MYOM1: variants seen among roughly 807,000 people sequenced by gnomAD.
MYOM1 encodes the protein myomesin 1.
Under a neutral mutation model 205.3 loss-of-function variants are expected in MYOM1, and 164 were observed. The ratio of observed to expected loss-of-function variants is 0.80; its 90% confidence interval spans 0.70 to 0.91. The LOEUF is 0.91. MYOM1 is among the 40% of genes least tolerant of loss of function. MYOM1 has a pLI of 0.00. For missense variants in MYOM1, 2,011 were observed against 2,127.3 expected (o/e 0.95, Z 1.08); for synonymous variants, 772 against 789.4 (o/e 0.98, Z 0.37).
intron 25 of MYOM1, among the ~76,000 whole-genome samples, chr18:3,097,734 A>G (rs2079324319): frequency 6.6e-6 from 1 of 152,168 alleles, no homozygotes; most frequent in Non-Finnish European, 1.5e-5. Context: ...TCACATTCTC[A>G]GGGTCTCTCT....
At chr18:3,230,628 C>T in the MYOM1 span, among the ~76,000 whole-genome samples, 373 of 152,230 alleles carry the variant, frequency 2.5e-3, 5 homozygotes, top group East Asian at 0.015. Context: ...TCTGATTGGC[C>T]CTCTCCTGCA....
At chr18:3,143,554 C>A (rs1054351257) in intron 13 of MYOM1, among the ~76,000 whole-genome samples, 1 of 151,994 alleles carries the variant, frequency 6.6e-6, no homozygotes, top group African/African-American at 2.4e-5. Context: ...CATAAATATG[C>A]AAATAAAATG....
chr18:3,237,598 CAAAA>C, the MYOM1 span, among the ~76,000 whole-genome samples: 37 of 53,622 alleles, frequency 6.9e-4, no homozygotes, highest in Admixed American at 2.6e-3. Context: ...GACTCCGTCT[CAAAA>C]AAAAAAAAAA....
chr18:3,135,506 G>T lies in MYOM1; in HGVS notation c.2209+41C>A. 6.3e-7 allele frequency: 1 copy of T among 1,581,216 alleles called. No homozygotes were observed. Among genetic ancestry groups the T allele is most frequent in the South Asian group, 1.1e-5 (1 of 87,120 alleles). ...TATACATATACTAGATCCTTGCTTT[G>T]AAATTTTCTCTTGAAGTAAAAGAAG... is the stretch of plus-strand genomic sequence containing the variant. On this transcript the variant is annotated intron_variant, in intron 15 of 37. Coordinates refer to ENST00000356443, the MANE Select transcript of MYOM1 (RefSeq NM_003803.4). This position sits in a 1 kb window ranked among gnomAD's most constrained non-coding sequence, Gnocchi z 4.1.
rs1320881277 is a variant in MYOM1, at chr18:3,163,798, AAG to A, written c.1501+478_1501+479del. ...CATATTCTTATTCAATGTAATCTGC[AAG>A]AATTTCCTTTTTCTTTTCTTTCTTT... On this transcript the variant is annotated intron_variant, in intron 10 of 37. Coordinates refer to ENST00000356443, the MANE Select transcript of MYOM1 (RefSeq NM_003803.4). Among the ~76,000 whole-genome samples, 8 of 151,668 alleles carry A rather than the reference AAG, an allele frequency of 5.3e-5. No homozygotes were observed. In the East Asian group the frequency reaches 1.4e-3, roughly 26 times the overall value.
chr18:3,184,821 G>T (rs1598750499), intron 5 of MYOM1, among the ~76,000 whole-genome samples: 1 of 152,210 alleles, frequency 6.6e-6, no homozygotes, highest in Non-Finnish European at 1.5e-5. Context: ...ACTAACGGAG[G>T]TGCAGGGACC....
At chr18:3,163,424 G>C (rs2080422919) in intron 10 of MYOM1, among the ~76,000 whole-genome samples, 1 of 152,000 alleles carries the variant, frequency 6.6e-6, no homozygotes, top group African/African-American at 2.4e-5. Flanking sequence ...GGTGCCCTCA[G>C]GGCTCACCTT....
rs2081244883 is a variant in MYOM1 at position 3,215,038 on chromosome 18, A to G, written c.186T>C (p.Arg62=). 6.2e-7 allele frequency: 1 copy of G among 1,612,682 alleles called. No individual in the cohort carries two copies. The highest frequency in any genetic ancestry group is 1.1e-5 in the South Asian group (1 of 91,004). The part of the protein sequence containing the change: ...AAHRRESEAF[R]RASASSSQQQ... ...GCTGGGAGGAGGAGGCGGACGCCCG[A>G]CGGAAGGCCTCGGACTCCCGGCGGT... The change falls in exon 2 of 38, where the codon CGT becomes CGC. Residue 62 remains arginine (R), a synonymous_variant. Transcript: ENST00000356443.
intron 9 of MYOM1, 98 bp downstream of exon 9, chr18:3,168,719 C>A: frequency 2.3e-6 from 3 of 1,299,584 alleles, no homozygotes; most frequent in South Asian, 2.8e-5. Flanking sequence ...GTAGTCCCTT[C>A]TAACTTCCAG....
At chr18:3,108,479 GGAT>G (rs1302109696) in intron 22 of MYOM1, among the ~76,000 whole-genome samples, 1 of 152,062 alleles carries the variant, frequency 6.6e-6, no homozygotes, top group Non-Finnish European at 1.5e-5. Flanking sequence ...ATACTCAAAT[GGAT>G]GATTCTTTCT....
intron 5 of MYOM1, among the ~76,000 whole-genome samples, chr18:3,187,085 C>T (rs2080828234): frequency 6.6e-6 from 1 of 152,186 alleles, no homozygotes; most frequent in African/African-American, 2.4e-5. Flanking sequence ...TAAAAGGCAG[C>T]ATTGCTTCTG....
chr18:3,142,086 G>A, intron 13 of MYOM1, 23 bp from the exon 14 acceptor site: 1 of 1,611,726 alleles, frequency 6.2e-7, no homozygotes, highest in Non-Finnish European at 8.5e-7. Flanking sequence ...AAGGAAAAAT[G>A]AGAAGCACAC....
Position 3,126,827 on chromosome 18 carries a change from C to T in MYOM1, c.2865G>A (p.Lys955=). Reference sequence around the variant, plus strand: ...CTGCCCCTCCAATCTTATCTGGTTGCTTCCATCCAAGAACCATTGAGTCAC... The same window carrying T: ...CTGCCCCTCCAATCTTATCTGGTTGTTTCCATCCAAGAACCATTGAGTCAC... ...SFRDSMVLGW[K]QPDKIGGAEI... is the part of the protein sequence containing the mutation. Residue 955 remains lysine (K), a synonymous_variant, in exon 19 of 38, where the codon AAG becomes AAA. Transcript: ENST00000356443. 6.2e-7 allele frequency: 1 copy of T among 1,613,602 alleles called. No individual in the cohort carries two copies. The highest frequency in any genetic ancestry group is 8.5e-7 in the Non-Finnish European group (1 of 1,179,746).
chr18:3,152,723 T>C lies in MYOM1; in HGVS notation c.1644-830A>G, dbSNP rs1482222090. On this transcript the variant is annotated intron_variant, in intron 11 of 37. Coordinates refer to ENST00000356443, the MANE Select transcript of MYOM1 (RefSeq NM_003803.4). The surrounding 1 kb of genome is among the most constrained non-coding windows in gnomAD (Gnocchi z 4.3). ...AGCAGAGTGCTGTACTTTTAGCTCATATCATTTCCCCAACATGGGCTCTAT... is the reference window on the plus strand; with the variant it reads ...AGCAGAGTGCTGTACTTTTAGCTCACATCATTTCCCCAACATGGGCTCTAT... 2.6e-5 allele frequency among the ~76,000 whole-genome samples: 4 copies of C among 152,170 alleles called. No individual in the cohort carries two copies. The highest frequency in any genetic ancestry group is 9.7e-5 in the African/African-American group (4 of 41,438).
intron 10 of MYOM1, among the ~76,000 whole-genome samples, chr18:3,161,822 A>G (rs559567189): frequency 6.6e-6 from 1 of 152,282 alleles, no homozygotes; most frequent in South Asian, 2.1e-4. Flanking sequence ...TTTGAACCTC[A>G]GTTTCTGCAT....
At position 3,134,954 on chromosome 18, in the gene MYOM1, G is replaced by GGT. The variant is rs2079934411; in HGVS notation, c.2210-131_2210-130insAC. On this transcript the variant is annotated intron_variant, in intron 15 of 37. Coordinates refer to ENST00000356443, the MANE Select transcript of MYOM1 (RefSeq NM_003803.4). ...CAAAAGAACAGCTGCTTTATTTTAC[G>GGT]ATTTTTTTTTTTGAGACTGAGTCTC... is the stretch of plus-strand genomic sequence containing the variant. The GGT allele has an allele frequency of 1.7e-5, 13 of 771,996 alleles. No homozygotes were observed. The East Asian group carries it at 4.5e-4, about 27-fold the overall frequency. The allele number at this position is 771,996 out of a possible 1,614,324, so 47.8% of individuals were successfully genotyped here.
intron 5 of MYOM1, among the ~76,000 whole-genome samples, chr18:3,178,233 C>T (rs1268262796): frequency 2.0e-5 from 3 of 152,200 alleles, no homozygotes; most frequent in Admixed American, 1.3e-4. Context: ...ATGCTCTAAG[C>T]GCTTTATGCA....
intron 2 of MYOM1, among the ~76,000 whole-genome samples, chr18:3,200,615 TCAA>T (rs1261483019): frequency 6.6e-6 from 1 of 152,126 alleles, no homozygotes; most frequent in Non-Finnish European, 1.5e-5. Flanking sequence ...TTAGAGGGAC[TCAA>T]CAGCAGATGT....
chr18:3,191,585 C>T (rs926055326), intron 3 of MYOM1, among the ~76,000 whole-genome samples: 2 of 152,146 alleles, frequency 1.3e-5, no homozygotes, highest in Non-Finnish European at 2.9e-5. Flanking sequence ...ACTGCCAAAA[C>T]CACTGTGAAA....
Sources: allele counts gnomAD v4.1 joint callset (sites outside exome capture counted in the v4.1 genomes callset), GRCh38; gene constraint gnomAD v4.1.1; non-coding constraint Gnocchi (gnomAD v3.1); transcripts MANE v1.5; gene names NCBI Gene and HGNC (gene_info 2026-07-23, HGNC 2026-07-21).